AK8: variants seen among roughly 807,000 people sequenced by gnomAD.
AK8 encodes adenylate kinase 8, also known as ATP-AMP transphosphorylase 8.
In AK8, 44 loss-of-function variants were observed where a neutral mutation model predicts 54.6. That is an observed-to-expected ratio of 0.81 (90% CI 0.63 to 1.04). The LOEUF (loss-of-function observed/expected upper bound fraction) is 1.04, where lower values mean the gene tolerates loss of function less well. Among genes scored for constraint, AK8 ranks in the 50% least tolerant of loss-of-function variants. The pLI is 0.00. For synonymous variants in AK8, 239 were observed against 245.6 expected, an observed-to-expected ratio of 0.97 and a Z score of 0.25; for missense variants, 555 against 613.6, an observed-to-expected ratio of 0.90 and a Z score of 1.01.
At chr9:132,852,929 CG>C (rs1843026728) in intron 5 of AK8, among the ~76,000 whole-genome samples, 1 of 151,602 alleles carries the variant, frequency 6.6e-6, no homozygotes, top group Non-Finnish European at 1.5e-5. Flanking sequence ...CAGGAAGTTA[CG>C]TGAAGAAATA....
chr9:132,866,604 G>A (rs1843607304), intron 3 of AK8, among the ~76,000 whole-genome samples: 1 of 152,298 alleles, frequency 6.6e-6, no homozygotes, highest in Middle Eastern at 3.4e-3. Flanking sequence ...CGTACCCTAA[G>A]GATATAGCGA....
At position 132,790,781 on chromosome 9, in the gene AK8, C is replaced by A. The variant is rs1839914446; in HGVS notation, c.1121+1853G>T. ...TGACATGGTCATCTACCTGTAAAAC[C>A]CAAGAGAATCAACTGAAAAACTATC... On this transcript the variant is annotated intron_variant, in intron 11 of 12. Coordinates refer to ENST00000298545, the MANE Select transcript of AK8 (RefSeq NM_152572.3). The surrounding 1 kb of genome is among the most constrained non-coding windows in gnomAD (Gnocchi z 4.1). Among the ~76,000 whole-genome samples, 1 of 151,848 alleles carries A rather than the reference C, an allele frequency of 6.6e-6. No individual in the cohort carries two copies. Among genetic ancestry groups the A allele is most frequent in the African/African-American group, 2.4e-5 (1 of 41,302 alleles).
In AK8 at chr9:132,818,755, G is replaced by A. The variant is rs1185982171; in HGVS notation, c.890-4028C>T. On this transcript the variant is annotated intron_variant, in intron 9 of 12. Coordinates refer to ENST00000298545, the MANE Select transcript of AK8 (RefSeq NM_152572.3). The stretch of plus-strand genomic sequence containing the variant: ...GTAACTTCAGTGGGAGGCCGAGGCG[G>A]GAGGTTCACTTGAGCCCAGGAGTTT... 1.3e-5 allele frequency among the ~76,000 whole-genome samples: 2 copies of A among 152,014 alleles called. 1 individual carries two copies. The highest frequency in any genetic ancestry group is 3.9e-4 in the East Asian group (2 of 5,192).
At chr9:132,824,329 T>C (rs916403450) in intron 8 of AK8, among the ~76,000 whole-genome samples, 1 of 152,220 alleles carries the variant, frequency 6.6e-6, no homozygotes, top group Non-Finnish European at 1.5e-5. Flanking sequence ...GGCCCCAGAC[T>C]GTCCTGTGCA....
chr9:132,813,070 G>T (rs625141), intron 10 of AK8, among the ~76,000 whole-genome samples: 29 of 76,104 alleles, frequency 3.8e-4, no homozygotes, highest in East Asian at 2.1e-3. Flanking sequence ...GACCAGACCC[G>T]CTCACTGCCC....
intron 5 of AK8, among the ~76,000 whole-genome samples, chr9:132,845,574 G>C (rs950182318): frequency 2.2e-4 from 33 of 152,156 alleles, no homozygotes; most frequent in African/African-American, 7.7e-4. Context: ...GGGATCACTT[G>C]GAAGTCAGGA....
At chr9:132,792,965 G>A (rs1008697685) in intron 10 of AK8, among the ~76,000 whole-genome samples, 190 bp from the exon 11 acceptor site, 15 of 152,216 alleles carry the variant, frequency 9.9e-5, no homozygotes, top group African/African-American at 2.7e-4. Context: ...ACGGGGCTGC[G>A]TGAGATGGGA....
At chr9:132,861,834 C>T (rs1843401065) in intron 4 of AK8, among the ~76,000 whole-genome samples, 1 of 152,256 alleles carries the variant, frequency 6.6e-6, no homozygotes, top group Non-Finnish European at 1.5e-5. Context: ...CATGTGCCCA[C>T]TCGCTCTTCA....
intron 11 of AK8, among the ~76,000 whole-genome samples, chr9:132,749,983 A>AGATACTGACAGCACACTCCTG (rs1564381079): frequency 3.4e-5 from 5 of 148,350 alleles, no homozygotes; most frequent in African/African-American, 1.3e-4. Context: ...GCACACTCCT[A>AGATACTGACAGCACACTCCTG]GAGATACTGA....
intron 4 of AK8, among the ~76,000 whole-genome samples, chr9:132,862,236 G>A (rs1374949261): frequency 2.0e-5 from 3 of 152,098 alleles, no homozygotes; most frequent in Admixed American, 6.5e-5. Context: ...GGGGGTGGCC[G>A]CCTTGCTGAG....
intron 10 of AK8, among the ~76,000 whole-genome samples, chr9:132,801,794 A>G (rs1840470182): frequency 6.6e-6 from 1 of 152,256 alleles, no homozygotes; most frequent in East Asian, 1.9e-4. Context: ...TAATTCATGT[A>G]GTTTTCTCCC....
chr9:132,753,865 C>T (rs1317180168), intron 11 of AK8, among the ~76,000 whole-genome samples: 1 of 152,248 alleles, frequency 6.6e-6, no homozygotes, highest in African/African-American at 2.4e-5. Context: ...CGTATTTACT[C>T]ATCCAGTCTT....
intron 11 of AK8, among the ~76,000 whole-genome samples, chr9:132,760,573 TTTTA>T (rs1006778672): frequency 6.6e-6 from 1 of 152,026 alleles, no homozygotes; most frequent in African/African-American, 2.4e-5. Flanking sequence ...GTCCTAGAGG[TTTTA>T]TTTACTTTTC....
chr9:132,776,969 T>A (rs772265155), intron 11 of AK8, among the ~76,000 whole-genome samples: 3 of 152,178 alleles, frequency 2.0e-5, no homozygotes, highest in Non-Finnish European at 2.9e-5. Context: ...ATTAGCCACA[T>A]TAGACCCCTG....
chr9:132,802,676 G>A (rs564556769), intron 10 of AK8, among the ~76,000 whole-genome samples: 36 of 152,306 alleles, frequency 2.4e-4, no homozygotes, highest in Non-Finnish European at 2.8e-4. Flanking sequence ...CAGATGCAAC[G>A]TGGAGAAAAA....
rs71376669 is a variant in AK8 at position 132,853,783 on chromosome 9, CAA to C, written c.402+1072_402+1073del. 8.2e-3 allele frequency among the ~76,000 whole-genome samples: 350 copies of C among 42,560 alleles called. 1 individual carries two copies. The highest frequency in any genetic ancestry group is 0.029 in the African/African-American group (327 of 11,450). The allele number at this position is 42,560 out of a possible 152,430, so 27.9% of individuals were successfully genotyped here. A position where few individuals can be genotyped will look rare whatever the true frequency, so the allele number is the denominator to read the frequency against. On this transcript the variant is annotated intron_variant, in intron 5 of 12. Transcript: ENST00000298545. Reference sequence around the variant, plus strand: ...TGGGCAACAGAGCAAGACTCTGCCTCAAAAAAAAAAAAAAAAAAAAAAAAAGT... The same window carrying C: ...TGGGCAACAGAGCAAGACTCTGCCTCAAAAAAAAAAAAAAAAAAAAAAAGT...
chr9:132,877,113 G>C (rs2131461219), intron 1 of AK8, among the ~76,000 whole-genome samples: 1 of 152,246 alleles, frequency 6.6e-6, no homozygotes, highest in East Asian at 1.9e-4. Context: ...AATCAATGTG[G>C]AAAACACACC....
At chr9:132,736,367 T>C (rs1484537879) in intron 11 of AK8, among the ~76,000 whole-genome samples, 8 of 151,742 alleles carry the variant, frequency 5.3e-5, no homozygotes, top group African/African-American at 1.9e-4. Flanking sequence ...TTTGTATTTT[T>C]AGTAGAGACG....
intron 2 of AK8, among the ~76,000 whole-genome samples, chr9:132,872,492 A>G (rs1035149951): frequency 9.9e-5 from 15 of 152,002 alleles, no homozygotes; most frequent in Admixed American, 7.2e-4. Flanking sequence ...GAGTCTTACT[A>G]TGTTGCCCAA....
Sources: gnomAD v4.1 joint callset for allele counts (sites outside exome capture counted in the v4.1 genomes callset) on GRCh38, gnomAD v4.1.1 for gene constraint, Gnocchi (gnomAD v3.1) non-coding constraint, MANE v1.5 for transcripts, NCBI Gene and HGNC (gene_info 2026-07-23, HGNC 2026-07-21) for gene names.